DOCK8: variants seen among roughly 807,000 people sequenced by gnomAD.
DOCK8 encodes dedicator of cytokinesis protein 8.
A neutral mutation model predicts 245.6 loss-of-function variants in DOCK8; 141 were observed. The ratio of observed to expected loss-of-function variants is 0.57; its 90% CI spans 0.50 to 0.66. The LOEUF (loss-of-function observed/expected upper bound fraction) is 0.66. Among genes scored for constraint, DOCK8 ranks in the 30% least tolerant of loss-of-function variants. The probability of loss-of-function intolerance (pLI) is 0.00; values close to 1 mark genes in which losing one functional copy is unlikely to be tolerated. For missense variants in DOCK8, 2,965 were observed against 2,603.4 expected (o/e 1.14, Z -3.02); for synonymous variants, 1,168 against 970.2 (o/e 1.20, Z -3.79).
In DOCK8 at chr9:312,110, GC is replaced by G; in HGVS notation, c.688del (p.Arg230GlyfsTer44). On this transcript the variant is annotated frameshift_variant, in exon 6 of 48. Coordinates refer to ENST00000432829, the MANE Select transcript of DOCK8 (RefSeq NM_203447.4). LOFTEE classifies it high-confidence loss of function. ...AEDFEKQNEE[A>X]RRTNRQAELF... Reference sequence around the variant, plus strand: ...GGACTTTGAGAAGCAGAACGAGGAGGCCCGGAGGACCAATAGGCAGGCCGAG... The same window carrying G: ...GGACTTTGAGAAGCAGAACGAGGAGGCCGGAGGACCAATAGGCAGGCCGAG... 1 of 1,614,222 alleles carries G rather than the reference GC, an allele frequency of 6.2e-7. No individual in the cohort carries two copies. The highest frequency in any genetic ancestry group is 1.1e-5 in the South Asian group (1 of 91,090).
chr9:310,869 A>G (rs1202588002), intron 5 of DOCK8, among the ~76,000 whole-genome samples: 1 of 152,134 alleles, frequency 6.6e-6, no homozygotes, highest in African/African-American at 2.4e-5. Context: ...TGACATTCAC[A>G]CCTTTGTGAT....
intron 20 of DOCK8, among the ~76,000 whole-genome samples, chr9:379,169 T>C (rs2053635640): frequency 6.6e-6 from 1 of 152,124 alleles, no homozygotes; most frequent in African/African-American, 2.4e-5. Flanking sequence ...CAAGGTTAGA[T>C]AAGTATATTG....
chr9:355,202 T>C lies in DOCK8; in HGVS notation c.1680-12816T>C, dbSNP rs113114386. The stretch of plus-strand genomic sequence containing the variant: ...ATTTCTGTTTCTTTTCTTTTTTTTT[T>C]TTTTTTTTTTTTTTTTTTTTGAGAC... On this transcript the variant is annotated intron_variant, in intron 14 of 47. Transcript: ENST00000432829. 3.6e-3 allele frequency among the ~76,000 whole-genome samples: 386 copies of C among 106,212 alleles called. 11 individuals carry two copies. The highest frequency in any genetic ancestry group is 0.015 in the East Asian group (67 of 4,352). 69.7% of individuals were successfully genotyped at this position (106,212 alleles called of 152,430 possible).
chr9:376,352 A>T (rs1197313838), intron 19 of DOCK8, 47 bp downstream of exon 19: 1 of 1,293,344 alleles, frequency 7.7e-7, no homozygotes, highest in East Asian at 2.3e-5. Context: ...GCAGCGGAGG[A>T]GCCTTTGAAG....
intron 3 of DOCK8, among the ~76,000 whole-genome samples, chr9:287,171 T>G (rs551159816): frequency 6.6e-5 from 10 of 152,276 alleles, no homozygotes; most frequent in African/African-American, 2.4e-4. Flanking sequence ...GTCCCTCCTT[T>G]AAAGAAAGTG....
chr9:352,482 G>A (rs2052216777), intron 14 of DOCK8, among the ~76,000 whole-genome samples: 1 of 152,148 alleles, frequency 6.6e-6, no homozygotes, highest in South Asian at 2.1e-4. Flanking sequence ...GGTGGCTCAT[G>A]CCTGTAATCC....
In DOCK8 at chr9:432,325, G is replaced by T; in HGVS notation, c.4785+1G>T. 6.2e-7 allele frequency: 1 copy of T among 1,613,888 alleles called. No individual in the cohort carries two copies. Among genetic ancestry groups the T allele is most frequent in the Non-Finnish European group, 8.5e-7 (1 of 1,179,970 alleles). On this transcript the variant is annotated splice_donor_variant, in intron 37 of 47. Transcript: ENST00000432829. LOFTEE classifies it high-confidence loss of function. ...GCAGATGACTCCTTTTCCCACCCAG[G>T]TACACCGAAGCACATACCTTGTCTC...
chr9:293,387 A>G (rs970725286), intron 4 of DOCK8, among the ~76,000 whole-genome samples: 1 of 152,230 alleles, frequency 6.6e-6, no homozygotes, highest in Non-Finnish European at 1.5e-5. Flanking sequence ...CTCACACAGT[A>G]CATTTTTAGC....
At chr9:355,879 G>T (rs2052419405) in intron 14 of DOCK8, among the ~76,000 whole-genome samples, 1 of 152,160 alleles carries the variant, frequency 6.6e-6, no homozygotes, top group South Asian at 2.1e-4. Flanking sequence ...AATGGTCACT[G>T]TAGCTATGGA....
intron 26 of DOCK8, among the ~76,000 whole-genome samples, chr9:403,736 G>T (rs1490154628): frequency 6.6e-6 from 1 of 151,238 alleles, no homozygotes; most frequent in Non-Finnish European, 1.5e-5. Context: ...ATGTTGATGT[G>T]CACCTGTAAT....
At chr9:333,100 G>T (rs189397574) in intron 10 of DOCK8, among the ~76,000 whole-genome samples, 2 of 152,148 alleles carry the variant, frequency 1.3e-5, no homozygotes, top group African/African-American at 4.8e-5. Flanking sequence ...TGGGAGGTCC[G>T]TGGAGACCCC....
chr9:344,672 T>G (rs1196009620), intron 14 of DOCK8, among the ~76,000 whole-genome samples: 1 of 152,136 alleles, frequency 6.6e-6, no homozygotes, highest in Non-Finnish European at 1.5e-5. Flanking sequence ...AAAATAAAAG[T>G]CTCTTTTCAA....
chr9:398,354 G>C (rs1289212175), intron 25 of DOCK8, among the ~76,000 whole-genome samples: 1 of 152,164 alleles, frequency 6.6e-6, no homozygotes, highest in African/African-American at 2.4e-5. Flanking sequence ...GACTTGACTG[G>C]TCAGCATGGC....
At chr9:297,790 T>C (rs1010670935) in intron 4 of DOCK8, among the ~76,000 whole-genome samples, 2 of 152,166 alleles carry the variant, frequency 1.3e-5, no homozygotes, top group African/African-American at 4.8e-5. Flanking sequence ...GATTTTTAAA[T>C]GGGGAAGTAG....
At chr9:422,931 G>T (rs1439511533) in intron 33 of DOCK8, among the ~76,000 whole-genome samples, 2 of 148,958 alleles carry the variant, frequency 1.3e-5, no homozygotes, top group African/African-American at 5.0e-5. Flanking sequence ...GTTGCAGTGA[G>T]CCAAGATCGT....
At chr9:350,645 C>T (rs2052119700) in intron 14 of DOCK8, among the ~76,000 whole-genome samples, 1 of 152,224 alleles carries the variant, frequency 6.6e-6, no homozygotes, top group South Asian at 2.1e-4. Flanking sequence ...GCTGCTTCCT[C>T]TTTTGTAAAG....
chr9:215,777 A>G (rs149014425), intron 1 of DOCK8: 1 of 193,828 alleles, frequency 5.2e-6, no homozygotes, highest in African/African-American at 2.3e-5. Context: ...TTACTGCTCA[A>G]AGTTCTCAGT....
At chr9:425,631 G>T (rs1467998600) in intron 33 of DOCK8, among the ~76,000 whole-genome samples, 2 of 151,342 alleles carry the variant, frequency 1.3e-5, no homozygotes, top group South Asian at 2.1e-4. Context: ...GATGGCTCAT[G>T]CCTGTGGTCC....
intron 35 of DOCK8, among the ~76,000 whole-genome samples, chr9:429,474 G>C (rs7861897): frequency 6.6e-6 from 1 of 152,000 alleles, no homozygotes; most frequent in South Asian, 2.1e-4. Context: ...CAGTGCAGTT[G>C]ATAACACAGC....
Sources: gnomAD v4.1 joint callset for allele counts (sites outside exome capture counted in the v4.1 genomes callset) on GRCh38, gnomAD v4.1.1 for gene constraint, MANE v1.5 for transcripts, NCBI Gene and HGNC (gene_info 2026-07-23, HGNC 2026-07-21) for gene names.